PDE4DIP: variants seen among roughly 807,000 people sequenced by gnomAD.
PDE4DIP encodes the protein phosphodiesterase 4D interacting protein.
PDE4DIP carries 59 observed loss-of-function variants against 221.4 expected under a neutral mutation model. The ratio of observed to expected loss-of-function variants is 0.27; its 90% confidence interval spans 0.22 to 0.33. The LOEUF (loss-of-function observed/expected upper bound fraction) is 0.33. Among genes scored for constraint, PDE4DIP ranks in the 10% least tolerant of loss-of-function variants. PDE4DIP has a pLI of 1.00. For synonymous variants in PDE4DIP, 404 were observed against 815.9 expected, an observed-to-expected ratio of 0.50 and a Z score of 8.60; for missense variants, 1,036 against 2,154.2, an observed-to-expected ratio of 0.48 and a Z score of 10.28.
At chr1:148,902,513 C>A (rs1214246635) in intron 1 of PDE4DIP, among the ~76,000 whole-genome samples, 2 of 25,548 alleles carry the variant, frequency 7.8e-5, no homozygotes, top group Non-Finnish European at 1.2e-4. Flanking sequence ...CACTTCCCCC[C>A]CTTTCCCCTT....
At chr1:148,934,519 G>A (rs1553473513) in intron 4 of PDE4DIP, among the ~76,000 whole-genome samples, 1 of 152,232 alleles carries the variant, frequency 6.6e-6, no homozygotes, top group East Asian at 1.9e-4. Flanking sequence ...CAGATACCAT[G>A]AGGGAATTTC....
intron 41 of PDE4DIP, among the ~76,000 whole-genome samples, chr1:149,029,438 C>T (rs2076071540): frequency 6.6e-6 from 1 of 152,214 alleles, no homozygotes; most frequent in Non-Finnish European, 1.5e-5. Context: ...CACTTCTGAA[C>T]TCTCAATCTT....
chr1:148,968,255 C>G (rs1553520806), intron 13 of PDE4DIP, among the ~76,000 whole-genome samples: 1 of 152,078 alleles, frequency 6.6e-6, no homozygotes, highest in East Asian at 1.9e-4. Context: ...GAGGTACTTT[C>G]TATTATTCCT....
At chr1:148,961,303 G>T (rs2056876663) in intron 6 of PDE4DIP, among the ~76,000 whole-genome samples, 4 of 152,188 alleles carry the variant, frequency 2.6e-5, no homozygotes, top group Non-Finnish European at 5.9e-5. Context: ...GAGAGACTCT[G>T]TCTCAAAAAA....
At chr1:148,959,921 CA>C (rs1453272263) in intron 5 of PDE4DIP, among the ~76,000 whole-genome samples, 1 of 151,186 alleles carries the variant, frequency 6.6e-6, no homozygotes, top group Non-Finnish European at 1.5e-5. Flanking sequence ...CAAGAACTCC[CA>C]TATACCCTTT....
intron 1 of PDE4DIP, among the ~76,000 whole-genome samples, chr1:148,892,047 G>A (rs1483911088): frequency 9.2e-5 from 10 of 108,552 alleles, no homozygotes; most frequent in African/African-American, 1.6e-4. Flanking sequence ...TCACTCTGTC[G>A]CCCAGGCTAG....
At chr1:149,010,081 A>G (rs2068142168) in intron 30 of PDE4DIP, among the ~76,000 whole-genome samples, 1 of 152,210 alleles carries the variant, frequency 6.6e-6, no homozygotes, top group African/African-American at 2.4e-5. Flanking sequence ...ACTCTGTCAG[A>G]TAGATCTTCT....
chr1:148,946,467 G>C (rs587723042), intron 5 of PDE4DIP, among the ~76,000 whole-genome samples: 137 of 141,882 alleles, frequency 9.7e-4, no homozygotes, highest in African/African-American at 3.4e-3. Context: ...TTGAACCTGG[G>C]AGGCAGAGGT....
chr1:148,977,966 G>A (rs34169189), exon 18 of PDE4DIP: 227,542 of 1,613,732 alleles, frequency 0.14, 17,583 homozygotes, highest in Admixed American at 0.22. Context: ...AGTCCATGAT[G>A]GCTGTGCAGG....
chr1:148,975,510 CT>C (rs1294755931), intron 17 of PDE4DIP, among the ~76,000 whole-genome samples: 2 of 151,476 alleles, frequency 1.3e-5, no homozygotes, highest in African/African-American at 4.9e-5. Context: ...AAACTCAAGC[CT>C]TTTGTGACTT....
intron 21 of PDE4DIP, among the ~76,000 whole-genome samples, chr1:148,987,162 A>C (rs1423231647): frequency 5.9e-5 from 9 of 152,198 alleles, no homozygotes; most frequent in Non-Finnish European, 1.3e-4. Context: ...GCTACTTAAG[A>C]GATGTTGCAA....
At chr1:148,996,828 A>C (rs2064332127) in intron 22 of PDE4DIP, among the ~76,000 whole-genome samples, 1 of 152,212 alleles carries the variant, frequency 6.6e-6, no homozygotes, top group African/African-American at 2.4e-5. Flanking sequence ...AAAGCATATA[A>C]TTAATTCTAC....
intron 41 of PDE4DIP, 63 bp from the exon 45 acceptor site, chr1:149,029,724 C>G (rs1224288822): frequency 5.0e-6 from 4 of 800,690 alleles, no homozygotes; most frequent in Non-Finnish European, 8.4e-6. Flanking sequence ...TGGAAAGAGC[C>G]ACAAAGCACA....
At chr1:148,930,009 T>C (rs2047516234) in intron 2 of PDE4DIP, 1 of 151,800 alleles carries the variant, frequency 6.6e-6, no homozygotes, top group East Asian at 1.9e-4. Context: ...GAGTGATATT[T>C]ATAGTATACT....
At chr1:148,996,724 C>T (rs1699829) in intron 22 of PDE4DIP, among the ~76,000 whole-genome samples, 8,387 of 152,138 alleles carry the variant, frequency 0.055, 697 homozygotes, top group East Asian at 0.45. Context: ...TCAGTGGCTT[C>T]GCACCAACCC....
chr1:148,999,355 A>C (rs2762878), intron 23 of PDE4DIP, among the ~76,000 whole-genome samples: 2 of 152,196 alleles, frequency 1.3e-5, no homozygotes, highest in African/African-American at 2.4e-5. Flanking sequence ...TGCATGTTAC[A>C]TACCACTTAA....
chr1:149,012,896 A>G, intron 32 of PDE4DIP, 120 bp downstream of exon 35: 1 of 560,000 alleles, frequency 1.8e-6, no homozygotes, highest in South Asian at 2.6e-5. Flanking sequence ...CAAATGTAAG[A>G]GGGAGGGAAA....
exon 44 of PDE4DIP, chr1:149,032,140 G>C (rs1424605545): frequency 1.4e-6 from 2 of 1,454,584 alleles, no homozygotes; most frequent in African/African-American, 1.4e-5. Context: ...CCAGAAGAGG[G>C]AGTCAGAGAT....
At chr1:148,846,757 C>CA (rs1299630151) in intron 1 of PDE4DIP, among the ~76,000 whole-genome samples, 259 of 7,134 alleles carry the variant, frequency 0.036, 1 homozygote, top group Middle Eastern at 0.12. Flanking sequence ...GACTCCGTCT[C>CA]AAAAAAAAAT....
Sources: allele counts gnomAD v4.1 joint callset (sites outside exome capture counted in the v4.1 genomes callset), GRCh38; gene constraint gnomAD v4.1.1; transcripts MANE v1.5; gene names NCBI Gene and HGNC (gene_info 2026-07-23, HGNC 2026-07-21).